The following CPEB4 variants were observed in gnomAD, a reference collection of about 807,000 sequenced individuals.
CPEB4 encodes the protein cytoplasmic polyadenylation element binding protein 4, also known as cytoplasmic polyadenylation element-binding protein 4.
CPEB4 carries 12 observed loss-of-function variants against 72.5 expected under a neutral mutation model. The ratio of observed to expected loss-of-function variants is 0.17; its 90% CI spans 0.11 to 0.27. CPEB4 has a LOEUF of 0.27. CPEB4 is among the 10% of genes least tolerant of loss of function. The pLI is 1.00. For synonymous variants in CPEB4, 302 were observed against 326.3 expected (o/e 0.93, Z 0.80); for missense variants, 614 against 908.5 (o/e 0.68, Z 4.17).
In CPEB4 at chr5:173,951,955, G is replaced by A. The variant is rs541269567; in HGVS notation, c.1780+17G>A. 47 of 1,491,294 alleles carry A rather than the reference G, an allele frequency of 3.2e-5. No individual in the cohort carries two copies. Among genetic ancestry groups the A allele is most frequent in the Admixed American group, 5.0e-5 (3 of 59,764 alleles). The allele number at this position is 1,491,294 out of a possible 1,614,324, so 92.4% of individuals were successfully genotyped here. On this transcript the variant is annotated intron_variant, in intron 8 of 9. Transcript: ENST00000265085. The stretch of plus-strand genomic sequence containing the variant: ...TACGAGCTGGTATGATTAAACAAAC[G>A]ACAAACTCTCTACCCTATAGCGCAA...
At position 173,888,383 on chromosome 5, in the gene CPEB4, C is replaced by A; in HGVS notation, c.-1351C>A. The A allele has an allele frequency of 2.2e-6, 1 of 448,546 alleles. No homozygotes were observed. Among genetic ancestry groups the A allele is most frequent in the Non-Finnish European group, 3.8e-6 (1 of 260,240 alleles). 27.8% of individuals were successfully genotyped at this position (448,546 alleles called of 1,614,324 possible). Reference sequence around the variant, plus strand: ...GGTCCTGAGGAGAAGGACTCAGCCGCGGCTGCGGGACCCGGGCACCGGGAG... The same window carrying A: ...GGTCCTGAGGAGAAGGACTCAGCCGAGGCTGCGGGACCCGGGCACCGGGAG... On this transcript the variant is annotated 5_prime_UTR_variant, in exon 1 of 10. Transcript: ENST00000265085. The surrounding 1 kb of genome is among the most constrained non-coding windows in gnomAD (Gnocchi z 4.3).
intron 2 of CPEB4, among the ~76,000 whole-genome samples, chr5:173,920,637 C>A (rs1352081508): frequency 6.6e-6 from 1 of 152,170 alleles, no homozygotes; most frequent in Non-Finnish European, 1.5e-5. Flanking sequence ...TCTCTCTAGA[C>A]CTCAATTTCC....
rs1756609942 is a variant in CPEB4, at chr5:173,910,391, A to G, written c.1126-132A>G. ...ATGTTTGGTGTTAATAATAACATTT[A>G]GTAATAATGTGCCTTACATAGAGAG... is the stretch of plus-strand genomic sequence containing the variant. On this transcript the variant is annotated intron_variant, in intron 1 of 9. Transcript: ENST00000265085. 10 of 609,632 alleles carry G rather than the reference A, an allele frequency of 1.6e-5. No individual in the cohort carries two copies. The East Asian group carries it at 2.5e-4, about 15-fold the overall frequency. The allele number at this position is 609,632 out of a possible 1,614,324, so 37.8% of individuals were successfully genotyped here.
At chr5:173,933,404 AT>A (rs1166080678) in intron 3 of CPEB4, among the ~76,000 whole-genome samples, 2 of 152,210 alleles carry the variant, frequency 1.3e-5, no homozygotes, top group Non-Finnish European at 2.9e-5. Context: ...TGAAATCAAT[AT>A]GTTGAAGGAT....
At chr5:173,899,933 T>G (rs1756163830) in intron 1 of CPEB4, among the ~76,000 whole-genome samples, 1 of 152,054 alleles carries the variant, frequency 6.6e-6, no homozygotes, top group Non-Finnish European at 1.5e-5. Flanking sequence ...TCTTTGTGCT[T>G]GAGTGTTGAG....
Position 173,900,273 on chromosome 5 carries a change from C to T in CPEB4, c.1125+9415C>T, listed in dbSNP as rs1364907493. Among the ~76,000 whole-genome samples the T allele has an allele frequency of 2.0e-5, 3 of 152,094 alleles. No homozygotes were observed. Among genetic ancestry groups the T allele is most frequent in the Admixed American group, 6.6e-5 (1 of 15,260 alleles). On this transcript the variant is annotated intron_variant, in intron 1 of 9. Coordinates refer to ENST00000265085, the MANE Select transcript of CPEB4 (RefSeq NM_030627.4). The surrounding 1 kb of genome is among the most constrained non-coding windows in gnomAD (Gnocchi z 4.4). The stretch of plus-strand genomic sequence containing the variant: ...ATACAAAATTAGCCTGGTGTGGTGG[C>T]GGGCGCCTGTAGTCCCAGCTATTCT...
intron 8 of CPEB4, 84 bp downstream of exon 8, chr5:173,952,022 G>T (rs754368724): frequency 3.3e-6 from 3 of 902,950 alleles, no homozygotes; most frequent in East Asian, 2.5e-5. Context: ...CTAAGAATTG[G>T]AGTTAATATC....
chr5:173,910,651 TGTGTATTAA>T, intron 2 of CPEB4, 47 bp downstream of exon 2: 1 of 1,209,418 alleles, frequency 8.3e-7, no homozygotes, highest in Non-Finnish European at 1.2e-6. Context: ...TAGTTTTAAA[TGTGTATTAA>T]CTATTTAATC....
intron 1 of CPEB4, among the ~76,000 whole-genome samples, chr5:173,899,569 T>C (rs1488483064): frequency 2.0e-5 from 3 of 152,094 alleles, no homozygotes; most frequent in Non-Finnish European, 4.4e-5. Flanking sequence ...AAATACCAGC[T>C]AGTGATTCGA....
At chr5:173,913,725 ATAAAT>A (rs1756762893) in intron 2 of CPEB4, among the ~76,000 whole-genome samples, 2 of 152,216 alleles carry the variant, frequency 1.3e-5, no homozygotes, top group African/African-American at 4.8e-5. Flanking sequence ...TGATGACAAA[ATAAAT>A]TAAGTCTGAT....
At chr5:173,903,862 G>A (rs1171837772) in intron 1 of CPEB4, among the ~76,000 whole-genome samples, 1 of 152,074 alleles carries the variant, frequency 6.6e-6, no homozygotes, top group African/African-American at 2.4e-5. Context: ...GGTCCTCTCT[G>A]AAACATTCAT....
intron 2 of CPEB4, among the ~76,000 whole-genome samples, chr5:173,913,992 C>CA (rs980778840): frequency 3.3e-5 from 5 of 152,200 alleles, no homozygotes; most frequent in African/African-American, 1.2e-4. Flanking sequence ...TCATGCTCAT[C>CA]AAAAAAGCCA....
Position 173,945,067 on chromosome 5 carries a change from C to T in CPEB4, c.1383C>T (p.His461=), listed in dbSNP as rs1241641556. ...TGGGTTCACCTCACTGCTTCAGTCA[C>T]CAGAATGGGGAAAGAGTGGAACGAT... The part of the protein sequence containing the change: ...SGLGSPHCFS[H]QNGERVERYS... Residue 461 remains histidine, a synonymous_variant, in exon 5 of 10, where the codon CAC becomes CAT. Transcript: ENST00000265085. 6.2e-7 allele frequency: 1 copy of T among 1,613,844 alleles called. No homozygotes were observed. The highest frequency in any genetic ancestry group is 8.5e-7 in the Non-Finnish European group (1 of 1,179,930).
At chr5:173,891,291 T>A (rs1755803084) in intron 1 of CPEB4, 1 of 151,202 alleles carries the variant, frequency 6.6e-6, no homozygotes. Context: ...AGGTAGTGAT[T>A]CACTGAAAAC....
chr5:173,899,077 C>T (rs566165393), intron 1 of CPEB4, among the ~76,000 whole-genome samples: 1 of 152,288 alleles, frequency 6.6e-6, no homozygotes, highest in South Asian at 2.1e-4. Flanking sequence ...CTGAAAGTGA[C>T]CAACTGGTGA....
intron 1 of CPEB4, among the ~76,000 whole-genome samples, chr5:173,898,752 C>CTT (rs1281343883): frequency 2.0e-5 from 3 of 152,210 alleles, no homozygotes; most frequent in Admixed American, 2.0e-4. Context: ...TCTTGGTTCA[C>CTT]AGCAACCACC....
chr5:173,889,908 G>A lies in CPEB4; in HGVS notation c.175G>A (p.Ala59Thr). The A allele has an allele frequency of 1.2e-6, 2 of 1,614,124 alleles. No individual in the cohort carries two copies. Residue 59 changes from alanine (A) to threonine (T), a missense_variant, in exon 1 of 10, where the codon GCT becomes ACT. Ala to Thr is a moderately conservative substitution (Grantham distance 58). This residue lies in a region of CPEB4 where 458 missense variants were observed against 548.6 expected (regional missense o/e 0.83). Transcript: ENST00000265085. ...TGCCAATGGCAGCAGTGCTGGGTCA[G>A]CTTGGCTTTTTCCTGCTCCAGCTAC... ...TAANGSSAGS[A>T]WLFPAPATHN...
At chr5:173,953,038 G>A (rs1758261882) in intron 8 of CPEB4, 53 bp from the exon 9 acceptor site, 2 of 1,455,346 alleles carry the variant, frequency 1.4e-6, no homozygotes, top group Non-Finnish European at 1.9e-6. Context: ...CGGTTGGTGA[G>A]CCAGATGAAT....
At chr5:173,924,509 T>C (rs572141343) in intron 2 of CPEB4, among the ~76,000 whole-genome samples, 1 of 152,328 alleles carries the variant, frequency 6.6e-6, no homozygotes, top group African/African-American at 2.4e-5. Flanking sequence ...ACTTGTCCTT[T>C]CTCTTACAAG....
Sources: gnomAD v4.1 joint callset for allele counts (sites outside exome capture counted in the v4.1 genomes callset) on GRCh38, gnomAD v4.1.1 for gene constraint, gnomAD v4.1.1 regional missense constraint, Gnocchi (gnomAD v3.1) non-coding constraint, MANE v1.5 for transcripts, NCBI Gene and HGNC (gene_info 2026-07-23, HGNC 2026-07-21) for gene names.